The following LRRC63 variants were observed in gnomAD, a reference collection of about 807,000 sequenced individuals.
LRRC63 encodes leucine-rich repeat-containing protein 63.
LRRC63 carries 40 observed loss-of-function variants against 49.5 expected under a neutral mutation model. The observed-to-expected ratio is 0.81, with a 90% CI of 0.63 to 1.05. The LOEUF (loss-of-function observed/expected upper bound fraction) is 1.05, where lower values mean the gene tolerates loss of function less well. LRRC63 is among the 50% of genes least tolerant of loss of function. The pLI is 0.00. For missense variants in LRRC63, 636 were observed against 663.1 expected (o/e 0.96, Z 0.45); for synonymous variants, 191 against 221.1 (o/e 0.86, Z 1.21).
Position 46,244,254 on chromosome 13 carries a change from G to A in LRRC63, c.991-2273G>A, listed in dbSNP as rs1055210838. Among the ~76,000 whole-genome samples, 8 of 151,898 alleles carry A rather than the reference G, an allele frequency of 5.3e-5. No homozygotes were observed. In the East Asian group the frequency reaches 9.7e-4, roughly 18 times the overall value. On this transcript the variant is annotated intron_variant, in intron 5 of 9. Transcript: ENST00000595396. ...GCTAAATGTATATATCTATTGTAAG[G>A]TTCTTTTTTTTTCTTACCCTTTTCT...
chr13:46,218,598 T>C (rs1444994108), intron 2 of LRRC63, among the ~76,000 whole-genome samples: 1 of 152,208 alleles, frequency 6.6e-6, no homozygotes. Flanking sequence ...TTAGCCTATT[T>C]ACATTTAAGG....
At chr13:46,242,855 T>A (rs2047103794) in intron 5 of LRRC63, among the ~76,000 whole-genome samples, 1 of 150,938 alleles carries the variant, frequency 6.6e-6, no homozygotes, top group Non-Finnish European at 1.5e-5. Flanking sequence ...TTTCCCCAAA[T>A]AACAAAAGAT....
At chr13:46,246,969 G>T (rs184518091) in intron 6 of LRRC63, among the ~76,000 whole-genome samples, 3 of 152,144 alleles carry the variant, frequency 2.0e-5, no homozygotes, top group Non-Finnish European at 4.4e-5. Flanking sequence ...AAGTAAACAT[G>T]CAGTGTTGTA....
At chr13:46,260,890 C>T (rs1037797995) in intron 7 of LRRC63, among the ~76,000 whole-genome samples, 9 of 152,054 alleles carry the variant, frequency 5.9e-5, no homozygotes, top group African/African-American at 9.7e-5. Context: ...AAGAAGTTGG[C>T]GAAAAATTCT....
intron 9 of LRRC63, 52 bp from the exon 10 acceptor site, chr13:46,276,538 A>G: frequency 2.3e-6 from 2 of 883,714 alleles, no homozygotes; most frequent in Non-Finnish European, 3.0e-6. Flanking sequence ...CATAGCACAG[A>G]GTCTTTAGTA....
At chr13:46,226,176 G>C (rs538147514) in intron 2 of LRRC63, among the ~76,000 whole-genome samples, 87 of 151,782 alleles carry the variant, frequency 5.7e-4, no homozygotes, top group Non-Finnish European at 5.6e-4. Flanking sequence ...AGGGATAGGA[G>C]TATTGCTATG....
chr13:46,270,078 T>C (rs1458742340), intron 9 of LRRC63: 2 of 595,786 alleles, frequency 3.4e-6, no homozygotes, highest in Non-Finnish European at 6.1e-6. Context: ...GAGGTCACCA[T>C]GGCTACCGAG....
chr13:46,248,932 A>G (rs1353557771), intron 6 of LRRC63, among the ~76,000 whole-genome samples: 1 of 151,924 alleles, frequency 6.6e-6, no homozygotes, highest in East Asian at 1.9e-4. Flanking sequence ...TTGAAAAATT[A>G]CAAAAGTCTA....
chr13:46,223,488 T>TTTG (rs1566472172), intron 2 of LRRC63, among the ~76,000 whole-genome samples: 69 of 151,580 alleles, frequency 4.6e-4, no homozygotes, highest in African/African-American at 1.5e-3. Context: ...TTTTTTGTTT[T>TTTG]TTTTTTTTTT....
intron 5 of LRRC63, among the ~76,000 whole-genome samples, chr13:46,235,116 G>GTGT: frequency 6.6e-6 from 1 of 152,140 alleles, no homozygotes; most frequent in South Asian, 2.1e-4. Context: ...ACATTTCGCT[G>GTGT]ACCTCTAAAT....
exon 6 of LRRC63, chr13:46,246,609 A>G: frequency 6.9e-7 from 1 of 1,444,324 alleles, no homozygotes; most frequent in Non-Finnish European, 9.1e-7. Context: ...AATGATCTTC[A>G]TTACTTTCCC....
At chr13:46,267,037 C>T in intron 9 of LRRC63, 65 bp downstream of exon 9, 1 of 1,414,234 alleles carries the variant, frequency 7.1e-7, no homozygotes, top group Non-Finnish European at 9.3e-7. Flanking sequence ...TTCTTCATTA[C>T]AGGCTTAGAT....
intron 7 of LRRC63, among the ~76,000 whole-genome samples, chr13:46,251,576 T>C (rs1197211635): frequency 6.6e-6 from 1 of 151,850 alleles, no homozygotes; most frequent in African/African-American, 2.4e-5. Context: ...GGGTGTTGGG[T>C]ATCCTCATCA....
chr13:46,254,409 T>C (rs929650200), intron 7 of LRRC63, among the ~76,000 whole-genome samples: 1 of 151,950 alleles, frequency 6.6e-6, no homozygotes. Context: ...TCACAGGAGA[T>C]GGGAGGGGAA....
chr13:46,223,695 A>G (rs1351037288), intron 2 of LRRC63, among the ~76,000 whole-genome samples: 3 of 152,054 alleles, frequency 2.0e-5, no homozygotes, highest in Non-Finnish European at 4.4e-5. Flanking sequence ...CTCTACTAAA[A>G]AAATACAAAA....
At chr13:46,265,173 G>A (rs1005789991) in intron 8 of LRRC63, among the ~76,000 whole-genome samples, 2 of 150,832 alleles carry the variant, frequency 1.3e-5, no homozygotes, top group African/African-American at 4.9e-5. Flanking sequence ...AAAAAAAAAT[G>A]TTTAGCCTGC....
intron 9 of LRRC63, among the ~76,000 whole-genome samples, chr13:46,268,788 C>A (rs1360378657): frequency 6.7e-6 from 1 of 150,324 alleles, no homozygotes; most frequent in Non-Finnish European, 1.5e-5. Flanking sequence ...GTGAGAAAAG[C>A]AGTTGGAAAA....
intron 5 of LRRC63, among the ~76,000 whole-genome samples, chr13:46,244,649 A>G (rs1285401928): frequency 2.6e-5 from 4 of 152,138 alleles, no homozygotes; most frequent in Non-Finnish European, 2.9e-5. Flanking sequence ...TGACATGTAC[A>G]TGTAGTTCTA....
chr13:46,260,556 C>T (rs1016334235), intron 7 of LRRC63, among the ~76,000 whole-genome samples: 4 of 152,044 alleles, frequency 2.6e-5, no homozygotes, highest in Admixed American at 2.0e-4. Context: ...AGGAGGCAGA[C>T]GTTTATTGCA....
Sources: allele counts gnomAD v4.1 joint callset (sites outside exome capture counted in the v4.1 genomes callset), GRCh38; gene constraint gnomAD v4.1.1; transcripts MANE v1.5; gene names NCBI Gene and HGNC (gene_info 2026-07-23, HGNC 2026-07-21).